Variants in RALGAPB observed in about 807,000 individuals in gnomAD.
The protein encoded by RALGAPB is ral GTPase-activating protein subunit beta.
In RALGAPB, 25 loss-of-function variants were observed where a neutral mutation model predicts 161.1. The ratio of observed to expected loss-of-function variants is 0.16; its 90% CI spans 0.11 to 0.22. The LOEUF (loss-of-function observed/expected upper bound fraction) is 0.22. RALGAPB is among the 10% of genes least tolerant of loss of function. The pLI, the probability that RALGAPB is intolerant of heterozygous loss-of-function variation, is 1.00. For synonymous variants in RALGAPB, 629 were observed against 626.1 expected, an observed-to-expected ratio of 1.00 and a Z score of -0.07; for missense variants, 1,391 against 1,815.2, an observed-to-expected ratio of 0.77 and a Z score of 4.25.
At chr20:38,539,022 G>A (rs1449522378) in intron 16 of RALGAPB, among the ~76,000 whole-genome samples, 1 of 152,168 alleles carries the variant, frequency 6.6e-6, no homozygotes, top group Non-Finnish European at 1.5e-5. Flanking sequence ...ATAAATTGTG[G>A]TATATCCATG....
Position 38,575,622 on chromosome 20 carries a change from T to G in RALGAPB, c.*655T>G, listed in dbSNP as rs1280047360. Reference sequence around the variant, plus strand: ...GCACAGATCTGTCTGAAAGCCTCAGTTTCTGAGTGACCCAGGAACAGATCA... The same window carrying G: ...GCACAGATCTGTCTGAAAGCCTCAGGTTCTGAGTGACCCAGGAACAGATCA... On this transcript the variant is annotated 3_prime_UTR_variant, in exon 30 of 30. Transcript: ENST00000262879. 1 of 152,720 alleles carries G rather than the reference T, an allele frequency of 6.5e-6. No individual in the cohort carries two copies. Among genetic ancestry groups the G allele is most frequent in the Non-Finnish European group, 1.5e-5 (1 of 68,268 alleles). 9.5% of individuals were successfully genotyped at this position (152,720 alleles called of 1,614,324 possible). A position where few individuals can be genotyped will look rare whatever the true frequency, so the allele number is the denominator to read the frequency against.
intron 7 of RALGAPB, 109 bp from the exon 8 acceptor site, chr20:38,517,397 G>A (rs2086159390): frequency 8.8e-7 from 1 of 1,131,178 alleles, no homozygotes; most frequent in East Asian, 2.6e-5. Context: ...AGCAATCTCT[G>A]CTATAGTCTA....
chr20:38,501,644 A>G (rs769223910), intron 5 of RALGAPB, among the ~76,000 whole-genome samples: 31 of 152,086 alleles, frequency 2.0e-4, no homozygotes, highest in Non-Finnish European at 3.7e-4. Flanking sequence ...TCTCAAAACA[A>G]TCCACCCATC....
rs756722388 is a variant in RALGAPB, at chr20:38,531,154, ATTG to A, written c.2051-5_2051-3del. 7.5e-6 allele frequency: 12 copies of A among 1,590,502 alleles called. No individual in the cohort carries two copies. Among genetic ancestry groups the A allele is most frequent in the East Asian group, 2.2e-5 (1 of 44,738 alleles). ...TGTATTTTATATAAAATACTGTTTTATTGTTGTTGTAGGGGCAATGTTAAATAT... is the reference window on the plus strand; with the variant it reads ...TGTATTTTATATAAAATACTGTTTTATTGTTGTAGGGGCAATGTTAAATAT... On this transcript the variant is annotated splice_polypyrimidine_tract_variant and intron_variant, in intron 13 of 29. Transcript: ENST00000262879.
chr20:38,478,765 C>T (rs1050443816), intron 1 of RALGAPB, among the ~76,000 whole-genome samples: 3 of 152,056 alleles, frequency 2.0e-5, no homozygotes, highest in South Asian at 2.1e-4. Context: ...TACAGACATG[C>T]GCCACCACGC....
intron 3 of RALGAPB, among the ~76,000 whole-genome samples, chr20:38,496,049 A>G (rs756827259): frequency 3.3e-5 from 5 of 152,148 alleles, no homozygotes; most frequent in Admixed American, 6.5e-5. Flanking sequence ...TTCTTCTTCA[A>G]GTAAGCCAGA....
intron 4 of RALGAPB, among the ~76,000 whole-genome samples, chr20:38,497,750 G>T (rs1225297094): frequency 2.0e-5 from 3 of 152,100 alleles, no homozygotes; most frequent in Non-Finnish European, 4.4e-5. Context: ...AGTGAATTAT[G>T]CATGTTTGAT....
chr20:38,538,806 T>C (rs2086883962), intron 16 of RALGAPB, among the ~76,000 whole-genome samples: 2 of 152,194 alleles, frequency 1.3e-5, no homozygotes, highest in South Asian at 4.1e-4. Context: ...TTGACGAGAA[T>C]GTTAAATGGA....
intron 6 of RALGAPB, among the ~76,000 whole-genome samples, chr20:38,512,561 T>C (rs927147879): frequency 6.6e-6 from 1 of 152,222 alleles, no homozygotes; most frequent in African/African-American, 2.4e-5. Context: ...ATTACAGTTA[T>C]TTCTGTATAT....
At chr20:38,474,159 C>T (rs1264318542) in intron 1 of RALGAPB, among the ~76,000 whole-genome samples, 1 of 152,186 alleles carries the variant, frequency 6.6e-6, no homozygotes, top group African/African-American at 2.4e-5. Context: ...ATAGGTGTAG[C>T]GTCTGTAACC....
At chr20:38,527,383 G>T (rs920476464) in intron 13 of RALGAPB, among the ~76,000 whole-genome samples, 7 of 152,176 alleles carry the variant, frequency 4.6e-5, no homozygotes, top group African/African-American at 1.7e-4. Flanking sequence ...TATTTATCCA[G>T]AGACACCTAA....
chr20:38,572,007 T>C (rs986084860), intron 28 of RALGAPB, among the ~76,000 whole-genome samples: 8 of 152,106 alleles, frequency 5.3e-5, no homozygotes, highest in Admixed American at 1.3e-4. Context: ...TAATTGCTAT[T>C]TTACATTTAT....
chr20:38,574,443 C>G, intron 29 of RALGAPB, 145 bp downstream of exon 29: 1 of 991,618 alleles, frequency 1.0e-6, no homozygotes, highest in South Asian at 1.9e-5. Context: ...AAAAAGGGAG[C>G]ATGTTTCGTT....
intron 18 of RALGAPB, among the ~76,000 whole-genome samples, chr20:38,541,748 G>A (rs1047913442): frequency 1.8e-4 from 27 of 152,132 alleles, no homozygotes; most frequent in Non-Finnish European, 3.2e-4. Context: ...TGGAAAATAA[G>A]TGCTGCAAAA....
intron 14 of RALGAPB, among the ~76,000 whole-genome samples, chr20:38,531,631 T>C (rs1448348205): frequency 6.6e-6 from 1 of 152,174 alleles, no homozygotes; most frequent in Non-Finnish European, 1.5e-5. Flanking sequence ...AGTTTGCAGG[T>C]CCCTCAAAGC....
intron 21 of RALGAPB, 71 bp from the exon 22 acceptor site, chr20:38,553,796 A>AAC (rs2087474367): frequency 2.2e-6 from 2 of 905,062 alleles, no homozygotes; most frequent in South Asian, 1.8e-5. Flanking sequence ...AAAAAAAAAA[A>AAC]AAAAACACTT....
intron 17 of RALGAPB, 63 bp from the exon 18 acceptor site, chr20:38,540,978 A>G (rs772999534): frequency 6.4e-7 from 1 of 1,561,124 alleles, no homozygotes; most frequent in Non-Finnish European, 8.7e-7. Flanking sequence ...ATTTGGATGG[A>G]TTTCCTTGTC....
At chr20:38,564,130 G>C (rs2087897173) in intron 24 of RALGAPB, among the ~76,000 whole-genome samples, 1 of 152,174 alleles carries the variant, frequency 6.6e-6, no homozygotes, top group African/African-American at 2.4e-5. Context: ...AATAGGGGTG[G>C]ATAGAGTGGC....
chr20:38,546,297 T>C lies in RALGAPB; in HGVS notation c.2769T>C (p.Cys923=). 1 of 1,614,162 alleles carries C rather than the reference T, an allele frequency of 6.2e-7. No homozygotes were observed. The highest frequency in any genetic ancestry group is 8.5e-7 in the Non-Finnish European group (1 of 1,179,990). The change falls in exon 19 of 30, where the codon TGT becomes TGC. Residue 923 remains cysteine, a synonymous_variant. Transcript: ENST00000262879. The part of the protein sequence containing the change: ...FPSPSGPASP[C]SLVNETTLIK... ...CACCTAGTGGTCCTGCCTCTCCTTG[T>C]AGTCTTGTGAATGAGACCACTTTGA...
Sources: allele counts gnomAD v4.1 joint callset (sites outside exome capture counted in the v4.1 genomes callset), GRCh38; gene constraint gnomAD v4.1.1; transcripts MANE v1.5; gene names NCBI Gene and HGNC (gene_info 2026-07-23, HGNC 2026-07-21).